The following KALRN variants were observed in gnomAD, a reference collection of about 807,000 sequenced individuals.
KALRN encodes kalirin RhoGEF kinase.
Under a neutral mutation model 353.7 loss-of-function variants are expected in KALRN, and 70 were observed. The observed-to-expected ratio is 0.20, with a 90% CI of 0.16 to 0.24. The LOEUF (loss-of-function observed/expected upper bound fraction) is 0.24, where lower values mean the gene tolerates loss of function less well. Among genes scored for constraint, KALRN ranks in the 10% least tolerant of loss-of-function variants. The pLI is 1.00. For missense variants in KALRN, 2,791 were observed against 3,756.7 expected (o/e 0.74, Z 6.72); for synonymous variants, 1,391 against 1,434.8 (o/e 0.97, Z 0.69).
intron 1 of KALRN, chr3:124,164,400 C>G (rs1397880138): frequency 6.6e-6 from 1 of 152,188 alleles, no homozygotes; most frequent in East Asian, 1.9e-4. Context: ...GGAATTCTGT[C>G]CTGCAAATGC....
chr3:124,050,233 C>T (rs963434641), intron 1 of KALRN, among the ~76,000 whole-genome samples: 1 of 152,168 alleles, frequency 6.6e-6, no homozygotes, highest in African/African-American at 2.4e-5. Flanking sequence ...CTACTTTTTG[C>T]CTATGCGGTC....
intron 57 of KALRN, among the ~76,000 whole-genome samples, chr3:124,708,338 CA>C (rs1313523030): frequency 2.4e-4 from 37 of 152,192 alleles, no homozygotes; most frequent in African/African-American, 8.4e-4. Flanking sequence ...AACTATCACA[CA>C]AAGACTTTAA....
chr3:124,617,003 C>A (rs1381172640), intron 34 of KALRN, among the ~76,000 whole-genome samples: 1 of 150,760 alleles, frequency 6.6e-6, no homozygotes, highest in Non-Finnish European at 1.5e-5. Flanking sequence ...TAAGTTTTGT[C>A]CCTAGCTTTT....
At chr3:124,586,482 G>A (rs1379581962) in intron 34 of KALRN, among the ~76,000 whole-genome samples, 1 of 152,188 alleles carries the variant, frequency 6.6e-6, no homozygotes, top group African/African-American at 2.4e-5. Context: ...GCTGGCCCTT[G>A]CTTTGTTGAG....
In KALRN at chr3:124,696,243, G is replaced by A. The variant is rs141643479; in HGVS notation, c.7687G>A (p.Val2563Ile). 6.8e-6 allele frequency: 11 copies of A among 1,613,866 alleles called. No individual in the cohort carries two copies. Among genetic ancestry groups the A allele is most frequent in the Admixed American group, 1.7e-5 (1 of 60,006 alleles). ...DHGTTSTSAT[V>I]KVQGVPAAPN... ...CGGGACCACATCAACGTCTGCAACA[G>A]TCAAAGTGCAAGGTACAGCCTCTTT... The change falls in exon 54 of 60, where the codon GTC (valine) becomes ATC (isoleucine). Residue 2563 changes from valine (V) to isoleucine (I), a missense_variant. Val to Ile is a conservative substitution (Grantham distance 29). Transcript: ENST00000682506.
intron 34 of KALRN, among the ~76,000 whole-genome samples, chr3:124,597,385 C>CA (rs1215205032): frequency 6.6e-6 from 1 of 152,176 alleles, no homozygotes; most frequent in Non-Finnish European, 1.5e-5. Flanking sequence ...ATAAGGGGAA[C>CA]AGTGCTGCGA....
chr3:124,649,790 AATAGATAGATAGATAGATAG>A (rs57296265), intron 37 of KALRN, among the ~76,000 whole-genome samples: 2 of 132,800 alleles, frequency 1.5e-5, no homozygotes, highest in African/African-American at 5.8e-5. Flanking sequence ...CCTGTCTCAA[AATAGATAGATAGATAGATAG>A]ATAGATAGAT....
At chr3:124,329,164 T>C (rs1487849045) in intron 7 of KALRN, among the ~76,000 whole-genome samples, 4 of 152,240 alleles carry the variant, frequency 2.6e-5, no homozygotes, top group Admixed American at 2.6e-4. Flanking sequence ...TGAAGACCCA[T>C]AGTCTTCCAC....
At chr3:124,691,089 G>A (rs1309756821) in intron 51 of KALRN, among the ~76,000 whole-genome samples, 1 of 152,190 alleles carries the variant, frequency 6.6e-6, no homozygotes, top group African/African-American at 2.4e-5. Flanking sequence ...AGAGCTTATA[G>A]TCTAATAGGT....
intron 28 of KALRN, among the ~76,000 whole-genome samples, chr3:124,484,980 C>G (rs936399318): frequency 3.3e-5 from 5 of 152,136 alleles, no homozygotes; most frequent in African/African-American, 9.7e-5. Flanking sequence ...CCTGTAATCC[C>G]AGCTACTCAG....
At chr3:124,359,148 T>G (rs2083740175) in intron 10 of KALRN, among the ~76,000 whole-genome samples, 2 of 152,238 alleles carry the variant, frequency 1.3e-5, no homozygotes, top group East Asian at 3.8e-4. Context: ...GACATCTTTT[T>G]AACCCAAAAG....
chr3:124,091,140 G>A (rs2061095513), intron 1 of KALRN, among the ~76,000 whole-genome samples: 1 of 152,218 alleles, frequency 6.6e-6, no homozygotes, highest in South Asian at 2.1e-4. Flanking sequence ...AGTGGTGTGG[G>A]AGGTGACTGA....
chr3:124,183,004 T>C (rs2073809022), intron 1 of KALRN, among the ~76,000 whole-genome samples: 1 of 152,192 alleles, frequency 6.6e-6, no homozygotes, highest in Non-Finnish European at 1.5e-5. Context: ...AATTGTGCCC[T>C]TCCCAAATTC....
intron 5 of KALRN, among the ~76,000 whole-genome samples, chr3:124,298,548 C>T (rs2077022611): frequency 6.6e-6 from 1 of 152,154 alleles, no homozygotes; most frequent in African/African-American, 2.4e-5. Flanking sequence ...CTCATTTTCT[C>T]TTTTTCCCTT....
At chr3:124,651,549 G>T (rs549494964) in intron 38 of KALRN, among the ~76,000 whole-genome samples, 5 of 151,998 alleles carry the variant, frequency 3.3e-5, no homozygotes, top group Admixed American at 2.0e-4. Flanking sequence ...AAGTCAATCT[G>T]TTATTTGAGT....
At chr3:124,545,397 A>G (rs1257735724) in intron 33 of KALRN, among the ~76,000 whole-genome samples, 4 of 152,222 alleles carry the variant, frequency 2.6e-5, no homozygotes, top group Non-Finnish European at 5.9e-5. Context: ...AATGAATCAT[A>G]AATTTATTGC....
At chr3:124,383,999 A>G (rs1231699403) in intron 10 of KALRN, among the ~76,000 whole-genome samples, 1 of 152,206 alleles carries the variant, frequency 6.6e-6, no homozygotes, top group Admixed American at 6.5e-5. Context: ...AAGTCAGGAC[A>G]TATCAGGAGA....
rs1257743627 is a variant in KALRN at position 124,395,400 on chromosome 3, T to G, written c.2171+57T>G. On this transcript the variant is annotated intron_variant, in intron 12 of 59. Coordinates refer to ENST00000682506, the MANE Select transcript of KALRN (RefSeq NM_001388419.1). ...TGCCTCGGGCTAGACGTGAGATAAGTCCTGTCCCAGTCTTGACTCAGCAAA... is the reference window on the plus strand; with the variant it reads ...TGCCTCGGGCTAGACGTGAGATAAGGCCTGTCCCAGTCTTGACTCAGCAAA... 1.2e-5 allele frequency: 17 copies of G among 1,444,202 alleles called. No individual in the cohort carries two copies. In the Admixed American group the frequency reaches 3.3e-4, roughly 28 times the overall value. The allele number at this position is 1,444,202 out of a possible 1,614,324, so 89.5% of individuals were successfully genotyped here.
At chr3:124,700,703 A>T (rs1052394213) in intron 56 of KALRN, among the ~76,000 whole-genome samples, 2 of 152,080 alleles carry the variant, frequency 1.3e-5, no homozygotes, top group African/African-American at 4.8e-5. Flanking sequence ...AGTGCAAGGG[A>T]GTGGTCTGTG....
Sources: gnomAD v4.1 joint callset for allele counts (sites outside exome capture counted in the v4.1 genomes callset) on GRCh38, gnomAD v4.1.1 for gene constraint, MANE v1.5 for transcripts, NCBI Gene and HGNC (gene_info 2026-07-23, HGNC 2026-07-21) for gene names.